Variants in DSC2 observed in about 807,000 individuals in gnomAD.
The protein encoded by DSC2 is desmocollin 2.
DSC2 carries 51 observed loss-of-function variants against 87.6 expected under a neutral mutation model. The observed-to-expected ratio is 0.58, with a 90% CI of 0.46 to 0.74. The LOEUF (loss-of-function observed/expected upper bound fraction) is 0.74. Among genes scored for constraint, DSC2 ranks in the 30% least tolerant of loss-of-function variants. The probability of loss-of-function intolerance (pLI) is 0.00; values close to 1 mark genes in which losing one functional copy is unlikely to be tolerated. For missense variants in DSC2, 1,066 were observed against 1,089.5 expected (o/e 0.98, Z 0.30); for synonymous variants, 383 against 393.2 (o/e 0.97, Z 0.31).
chr18:31,088,613 A>T (rs1987482846), intron 5 of DSC2, among the ~76,000 whole-genome samples: 1 of 152,196 alleles, frequency 6.6e-6, no homozygotes, highest in Non-Finnish European at 1.5e-5. Context: ...CAAAATGACC[A>T]AGTCCTGTTG....
At position 31,086,681 on chromosome 18, in the gene DSC2, G is replaced by A; in HGVS notation, c.837C>T (p.Arg279=). ...CCTGCCCAATGATGGAGTACTTCAG[G>A]CGTGTGTGCATCGTGTCAGGCTCAT... ...DKDEPDTMHT[R]LKYSIIGQVP... Residue 279 remains arginine, a synonymous_variant, in exon 7 of 16, where the codon CGC becomes CGT. Coordinates refer to ENST00000280904, the MANE Select transcript of DSC2 (RefSeq NM_024422.6). The A allele has an allele frequency of 6.2e-7, 1 of 1,614,150 alleles. No individual in the cohort carries two copies. The highest frequency in any genetic ancestry group is 8.5e-7 in the Non-Finnish European group (1 of 1,180,022).
rs1318223723 is a variant in DSC2, at chr18:31,092,098, T to A, written c.354+3A>T. On this transcript the variant is annotated splice_donor_region_variant and intron_variant, in intron 3 of 15. Coordinates refer to ENST00000280904, the MANE Select transcript of DSC2 (RefSeq NM_024422.6). Reference sequence around the variant, plus strand: ...ATTTCTTCATTTATGTAGCCTTGTATACCTTTGTTTGATGCTCCAAAAAGA... The same window carrying A: ...ATTTCTTCATTTATGTAGCCTTGTAAACCTTTGTTTGATGCTCCAAAAAGA... 6.2e-7 allele frequency: 1 copy of A among 1,610,194 alleles called. No homozygotes were observed. Among genetic ancestry groups the A allele is most frequent in the Non-Finnish European group, 8.5e-7 (1 of 1,177,532 alleles).
chr18:31,068,330 T>C lies in DSC2; in HGVS notation c.2509-118A>G, dbSNP rs137934790. ...TTGTTTAATTTTTAATCAGAGTGTG[T>C]CCTCTAATGGATTCCTATACATAAA... On this transcript the variant is annotated intron_variant, in intron 15 of 15. Coordinates refer to ENST00000280904, the MANE Select transcript of DSC2 (RefSeq NM_024422.6). 6 of 1,613,212 alleles carry C rather than the reference T, an allele frequency of 3.7e-6. No individual in the cohort carries two copies. In the African/African-American group the frequency reaches 8.0e-5, roughly 22 times the overall value.
intron 9 of DSC2, 139 bp from the exon 10 acceptor site, chr18:31,080,491 A>T (rs1403472689): frequency 9.5e-7 from 1 of 1,057,276 alleles, no homozygotes. Context: ...ACATATATCC[A>T]GTGATATGGT....
chr18:31,070,427 G>A (rs1469490812), intron 14 of DSC2, among the ~76,000 whole-genome samples: 2 of 152,176 alleles, frequency 1.3e-5, no homozygotes, highest in African/African-American at 4.8e-5. Context: ...AGCACAAACA[G>A]CAGTTGAAAT....
Position 31,101,935 on chromosome 18 carries a change from C to T in DSC2, c.37G>A (p.Ala13Thr). 1.3e-6 allele frequency: 2 copies of T among 1,530,308 alleles called. No homozygotes were observed. The highest frequency in any genetic ancestry group is 8.7e-7 in the Non-Finnish European group (1 of 1,143,896). 94.8% of individuals were successfully genotyped at this position (1,530,308 alleles called of 1,614,324 possible). A position where few individuals can be genotyped will look rare whatever the true frequency, so the allele number is the denominator to read the frequency against. ...AARPSGSWNG[A>T]LCRLLLLTLA... ...GTCAGCAGGAGCAGCCGGCAGAGGG[C>T]TCCGTTCCAGGAGCCGGAGGGGCGG... The change falls in exon 1 of 16, where the codon GCC becomes ACC. Residue 13 changes from alanine to threonine, a missense_variant. Transcript: ENST00000280904.
intron 5 of DSC2, among the ~76,000 whole-genome samples, chr18:31,088,274 C>T (rs1414659673): frequency 2.6e-5 from 4 of 152,098 alleles, no homozygotes; most frequent in Non-Finnish European, 4.4e-5. Context: ...GGACTTTAGG[C>T]ATATCAATGG....
intron 8 of DSC2, among the ~76,000 whole-genome samples, chr18:31,082,682 C>T (rs533437693): frequency 1.3e-5 from 2 of 152,092 alleles, no homozygotes; most frequent in South Asian, 2.1e-4. Context: ...CTCAGCTTCC[C>T]GAGTAGATGG....
At position 31,060,329 on chromosome 18, in the gene DSC2, T is replaced by C. The variant is rs1203936339; in HGVS notation, c.*7686A>G. On this transcript the variant is annotated 3_prime_UTR_variant, in exon 16 of 16. Coordinates refer to ENST00000280904, the MANE Select transcript of DSC2 (RefSeq NM_024422.6). ...TGACACCCTCTGCTCCTTTCACCTC[T>C]GGCTTTCTGAGCCTCTCATTCCCTA... 6.6e-6 allele frequency: 1 copy of C among 152,208 alleles called. No homozygotes were observed. The highest frequency in any genetic ancestry group is 1.5e-5 in the Non-Finnish European group (1 of 68,044). The allele number at this position is 152,208 out of a possible 1,614,324, so 9.4% of individuals were successfully genotyped here. A position where few individuals can be genotyped will look rare whatever the true frequency, so the allele number is the denominator to read the frequency against.
chr18:31,087,393 G>A (rs923218429), intron 6 of DSC2, among the ~76,000 whole-genome samples: 1 of 152,124 alleles, frequency 6.6e-6, no homozygotes, highest in Non-Finnish European at 1.5e-5. Flanking sequence ...CTATTTGTCA[G>A]GCACTGTGCT....
chr18:31,101,276 ACCCGCCACTTCC>A (rs1473073929), intron 1 of DSC2: 20 of 538,942 alleles, frequency 3.7e-5, no homozygotes, highest in Non-Finnish European at 4.4e-5. Flanking sequence ...CCCCTCCCCC[ACCCGCCACTTCC>A]CCCCGCCCTT....
chr18:31,074,646 T>C (rs937468722), intron 12 of DSC2, 37 bp downstream of exon 12: 2 of 1,579,752 alleles, frequency 1.3e-6, no homozygotes, highest in Admixed American at 1.7e-5. Context: ...GACATCCTGA[T>C]GTTGAAAAGG....
chr18:31,068,305 T>C (rs1224251275), intron 15 of DSC2, 93 bp from the exon 16 acceptor site: 3 of 1,613,596 alleles, frequency 1.9e-6, no homozygotes, highest in African/African-American at 1.3e-5. Flanking sequence ...TTACCTTTCA[T>C]TGTTTAATTT....
chr18:31,080,343 A>T lies in DSC2; in HGVS notation c.1273T>A (p.Tyr425Asn). ...AAGATCATCTGTTGCTTTTCTTCAT[A>T]ATTCAAAGGCTACGAAAGCAAATGT... ...GVLCVVKPLN[Y>N]EEKQQMILQI... The change falls in exon 10 of 16, where the codon TAT becomes AAT. Residue 425 changes from tyrosine (Y) to asparagine (N), a missense_variant. By Grantham distance (143) the Tyr-to-Asn change is moderately radical (BLOSUM62 -2). Transcript: ENST00000280904. 1 of 1,613,886 alleles carries T rather than the reference A, an allele frequency of 6.2e-7. No homozygotes were observed. Among genetic ancestry groups the T allele is most frequent in the Non-Finnish European group, 8.5e-7 (1 of 1,179,856 alleles).
At chr18:31,082,801 GC>G in intron 8 of DSC2, 124 bp downstream of exon 8, 2 of 1,071,430 alleles carry the variant, frequency 1.9e-6, no homozygotes, top group Non-Finnish European at 2.8e-6. Flanking sequence ...CAGGTGATCC[GC>G]CCGCCTCGGC....
At chr18:31,081,512 A>G (rs1287783163) in intron 9 of DSC2, among the ~76,000 whole-genome samples, 1 of 152,202 alleles carries the variant, frequency 6.6e-6, no homozygotes, top group Non-Finnish European at 1.5e-5. Context: ...AATAGAGAAA[A>G]TAATATAAAA....
At position 31,066,404 on chromosome 18, in the gene DSC2, A is replaced by G. The variant is rs1227342317; in HGVS notation, c.*1611T>C. 1 of 152,174 alleles carries G rather than the reference A, an allele frequency of 6.6e-6. No individual in the cohort carries two copies. The highest frequency in any genetic ancestry group is 1.5e-5 in the Non-Finnish European group (1 of 68,014). 9.4% of individuals were successfully genotyped at this position (152,174 alleles called of 1,614,324 possible). A position where few individuals can be genotyped will look rare whatever the true frequency, so the allele number is the denominator to read the frequency against. On this transcript the variant is annotated 3_prime_UTR_variant, in exon 16 of 16. Transcript: ENST00000280904. The stretch of plus-strand genomic sequence containing the variant: ...TTTACTTTATCATGACTAGTAATAT[A>G]TAAGAATTTTGTATATACTTTATTA...
intron 14 of DSC2, 75 bp from the exon 15 acceptor site, chr18:31,069,226 G>T (rs1054735595): frequency 3.8e-6 from 6 of 1,577,338 alleles, no homozygotes; most frequent in Middle Eastern, 1.7e-4. Context: ...AACATCAAGC[G>T]GATAATGCCT....
rs1986669656 is a variant in DSC2, at chr18:31,067,676, C to T, written c.*339G>A. The T allele has an allele frequency of 8.0e-6, 2 of 250,146 alleles. No individual in the cohort carries two copies. The highest frequency in any genetic ancestry group is 7.8e-6 in the Non-Finnish European group (1 of 128,182). 15.5% of individuals were successfully genotyped at this position (250,146 alleles called of 1,614,324 possible). Reference sequence around the variant, plus strand: ...TACAATTTTCCATTAGGTTGTGCTTCAAATAGTCTATAATAAGGACTTGAA... The same window carrying T: ...TACAATTTTCCATTAGGTTGTGCTTTAAATAGTCTATAATAAGGACTTGAA... On this transcript the variant is annotated 3_prime_UTR_variant, in exon 16 of 16. Coordinates refer to ENST00000280904, the MANE Select transcript of DSC2 (RefSeq NM_024422.6).
Sources: allele counts gnomAD v4.1 joint callset (sites outside exome capture counted in the v4.1 genomes callset), GRCh38; gene constraint gnomAD v4.1.1; transcripts MANE v1.5; gene names NCBI Gene and HGNC (gene_info 2026-07-23, HGNC 2026-07-21).